Variants in STK32B observed in about 807,000 individuals in gnomAD.
STK32B encodes serine/threonine kinase 32B.
A neutral mutation model predicts 52.6 loss-of-function variants in STK32B; 43 were observed. The ratio of observed to expected loss-of-function variants is 0.82; its 90% CI spans 0.64 to 1.05. The LOEUF (loss-of-function observed/expected upper bound fraction) is 1.05. Ranked by LOEUF, STK32B falls within the 50% of genes least tolerant of loss-of-function variation. The pLI is 0.00. For missense variants in STK32B, 621 were observed against 534.6 expected (o/e 1.16, Z -1.59); for synonymous variants, 238 against 204.3 (o/e 1.17, Z -1.41).
At chr4:5,143,843 A>C (rs962201406) in intron 2 of STK32B, among the ~76,000 whole-genome samples, 3 of 105,360 alleles carry the variant, frequency 2.8e-5, no homozygotes, top group Non-Finnish European at 4.9e-5. Flanking sequence ...TTCCTCCATT[A>C]GCACCCTTCT....
rs1736747448 is a variant in STK32B, at chr4:5,394,302, A to G, written c.435-3905A>G. On this transcript the variant is annotated intron_variant, in intron 4 of 11. Transcript: ENST00000282908. This position sits in a 1 kb window ranked among gnomAD's most constrained non-coding sequence, Gnocchi z 4.2. Reference sequence around the variant, plus strand: ...AATTATGGGTCTGTCCTCAGGAAACATCGTCACCGCCTTCCCATCCATGCA... The same window carrying G: ...AATTATGGGTCTGTCCTCAGGAAACGTCGTCACCGCCTTCCCATCCATGCA... Among the ~76,000 whole-genome samples, 1 of 152,180 alleles carries G rather than the reference A, an allele frequency of 6.6e-6. No homozygotes were observed. Among genetic ancestry groups the G allele is most frequent in the South Asian group, 2.1e-4 (1 of 4,832 alleles).
At position 5,362,730 on chromosome 4, in the gene STK32B, A is replaced by G. The variant is rs200059774; in HGVS notation, c.434+31337A>G. Reference sequence around the variant, plus strand: ...GCATTTCTTCCAGAGGCATACCCAAAGAAGGCTGGGGTGAATACCCTGAAT... The same window carrying G: ...GCATTTCTTCCAGAGGCATACCCAAGGAAGGCTGGGGTGAATACCCTGAAT... On this transcript the variant is annotated intron_variant, in intron 4 of 11. Coordinates refer to ENST00000282908, the MANE Select transcript of STK32B (RefSeq NM_018401.3). Among the ~76,000 whole-genome samples, 7 of 152,264 alleles carry G rather than the reference A, an allele frequency of 4.6e-5. No individual in the cohort carries two copies. The East Asian group carries it at 9.7e-4, about 21-fold the overall frequency.
chr4:5,093,616 G>C (rs1321245282), intron 1 of STK32B, among the ~76,000 whole-genome samples: 3 of 152,162 alleles, frequency 2.0e-5, no homozygotes, highest in Non-Finnish European at 4.4e-5. Context: ...AATGTTAAAT[G>C]ATGAGTTAAT....
intron 1 of STK32B, among the ~76,000 whole-genome samples, chr4:5,056,764 C>A (rs1032801828): frequency 4.6e-5 from 7 of 152,226 alleles, no homozygotes; most frequent in African/African-American, 1.2e-4. Flanking sequence ...ATTGGCTGGA[C>A]TGTGTCACAT....
chr4:5,159,546 T>C (rs1161758455), intron 2 of STK32B, among the ~76,000 whole-genome samples: 2 of 89,718 alleles, frequency 2.2e-5, no homozygotes, highest in Non-Finnish European at 4.2e-5. Context: ...TATATGTATA[T>C]ATATGAATAT....
At chr4:5,446,038 G>C (rs535285460) in intron 6 of STK32B, among the ~76,000 whole-genome samples, 1 of 152,126 alleles carries the variant, frequency 6.6e-6, no homozygotes, top group Non-Finnish European at 1.5e-5. Context: ...TACCCCACCC[G>C]TTCTCCCAGC....
chr4:5,287,485 G>T (rs1205458590), intron 3 of STK32B, among the ~76,000 whole-genome samples: 1 of 151,586 alleles, frequency 6.6e-6, no homozygotes, highest in Non-Finnish European at 1.5e-5. Context: ...TAATTCTAAA[G>T]TTTTTTTTAT....
At chr4:5,444,144 G>A (rs11736370) in intron 6 of STK32B, among the ~76,000 whole-genome samples, 1,916 of 151,882 alleles carry the variant, frequency 0.013, 44 homozygotes, top group East Asian at 0.07. Context: ...TGGAGCTTCC[G>A]GGCTGCTTTG....
intron 6 of STK32B, among the ~76,000 whole-genome samples, chr4:5,418,641 A>G (rs1271254616): frequency 3.3e-5 from 5 of 152,218 alleles, no homozygotes; most frequent in African/African-American, 9.6e-5. Flanking sequence ...TTGCCGCAGA[A>G]AACTAACCAC....
chr4:5,483,379 G>C (rs1485026928), intron 11 of STK32B, among the ~76,000 whole-genome samples: 38 of 152,052 alleles, frequency 2.5e-4, no homozygotes, highest in Admixed American at 2.5e-3. Flanking sequence ...TTGCGTAGAG[G>C]TGTTTATAGT....
chr4:5,092,921 T>G (rs973738109), intron 1 of STK32B, among the ~76,000 whole-genome samples: 1 of 152,156 alleles, frequency 6.6e-6, no homozygotes, highest in Non-Finnish European at 1.5e-5. Flanking sequence ...GTGAATTATA[T>G]CTCAATAAAA....
chr4:5,486,124 G>C (rs1367959359), intron 11 of STK32B, among the ~76,000 whole-genome samples: 1 of 152,174 alleles, frequency 6.6e-6, no homozygotes, highest in East Asian at 1.9e-4. Context: ...TGTCAGACAG[G>C]AACATTTAAG....
the STK32B span, among the ~76,000 whole-genome samples, chr4:5,027,155 T>G: frequency 6.6e-6 from 1 of 152,206 alleles, no homozygotes; most frequent in Non-Finnish European, 1.5e-5. Flanking sequence ...TTCCCCTGTT[T>G]ATGTGATGTG....
rs544511557 is a variant in STK32B at position 5,335,629 on chromosome 4, T to TCC, written c.434+4238_434+4239dup. Among the ~76,000 whole-genome samples the TCC allele has an allele frequency of 1.2e-3, 176 of 152,266 alleles. 3 individuals are homozygous for TCC. Among genetic ancestry groups the TCC allele is most frequent in the South Asian group, 2.9e-3 (14 of 4,810 alleles). On this transcript the variant is annotated intron_variant, in intron 4 of 11. Coordinates refer to ENST00000282908, the MANE Select transcript of STK32B (RefSeq NM_018401.3). ...TTGTGGGCATTTAGTGCTATAAATT[T>TCC]CCCTCTACGCACTGCTTTGAATGTG...
At chr4:5,358,520 A>G (rs1272709901) in intron 4 of STK32B, among the ~76,000 whole-genome samples, 1 of 152,144 alleles carries the variant, frequency 6.6e-6, no homozygotes, top group Non-Finnish European at 1.5e-5. Flanking sequence ...CACTCAATAC[A>G]CAATAATGGG....
At chr4:5,293,298 T>A (rs143075919) in intron 3 of STK32B, among the ~76,000 whole-genome samples, 20,738 of 152,040 alleles carry the variant, frequency 0.14, 2,825 homozygotes, top group African/African-American at 0.35. Context: ...CCTTTGGGTA[T>A]ATACCCAGTA....
intron 11 of STK32B, among the ~76,000 whole-genome samples, chr4:5,484,987 G>C (rs1344852311): frequency 6.6e-6 from 1 of 152,026 alleles, no homozygotes; most frequent in African/African-American, 2.4e-5. Flanking sequence ...TCCCTTTGTG[G>C]GTAACCCGAC....
chr4:5,086,626 T>A (rs1712747211), intron 1 of STK32B, among the ~76,000 whole-genome samples: 2 of 151,994 alleles, frequency 1.3e-5, no homozygotes, highest in African/African-American at 4.8e-5. Context: ...AGTGAATCCC[T>A]AGTAAGATAA....
At chr4:5,099,305 T>G (rs1156573319) in intron 1 of STK32B, among the ~76,000 whole-genome samples, 1 of 152,132 alleles carries the variant, frequency 6.6e-6, no homozygotes, top group East Asian at 1.9e-4. Context: ...AAGTCCCCTT[T>G]CTCAGGTTCT....
Sources: allele counts gnomAD v4.1 joint callset (sites outside exome capture counted in the v4.1 genomes callset), GRCh38; gene constraint gnomAD v4.1.1; non-coding constraint Gnocchi (gnomAD v3.1); transcripts MANE v1.5; gene names NCBI Gene and HGNC (gene_info 2026-07-23, HGNC 2026-07-21).